Variants in ANKS6 observed in about 807,000 individuals in gnomAD.
The protein encoded by ANKS6 is ankyrin repeat and sterile alpha motif domain containing 6.
Under a neutral mutation model 77.9 loss-of-function variants are expected in ANKS6, and 47 were observed. That is an observed-to-expected ratio of 0.60 (90% CI 0.48 to 0.77). ANKS6 has a LOEUF of 0.77. ANKS6 is among the 30% of genes least tolerant of loss of function. ANKS6 has a pLI of 0.00. For synonymous variants in ANKS6, 488 were observed against 501.7 expected (o/e 0.97, Z 0.37); for missense variants, 1,150 against 1,159.1 (o/e 0.99, Z 0.11).
intron 7 of ANKS6, 134 bp downstream of exon 7, chr9:98,778,092 C>G (rs1168581678): frequency 1.9e-6 from 2 of 1,069,642 alleles, no homozygotes; most frequent in Admixed American, 2.7e-5. Flanking sequence ...TTCCACCAGA[C>G]CAGCCTCTAT....
chr9:98,768,339 G>C, intron 10 of ANKS6, 89 bp from the exon 11 acceptor site: 1 of 1,501,052 alleles, frequency 6.7e-7, no homozygotes, highest in Non-Finnish European at 9.1e-7. Flanking sequence ...TGATTGGGTT[G>C]GAGCCAGTCT....
chr9:98,773,003 CAAGTT>C (rs1360370172), intron 9 of ANKS6, among the ~76,000 whole-genome samples: 1 of 152,206 alleles, frequency 6.6e-6, no homozygotes, highest in Non-Finnish European at 1.5e-5. Flanking sequence ...TGAAGCAAGT[CAAGTT>C]GATGTTCTGT....
At chr9:98,773,058 A>G (rs1267070520) in intron 9 of ANKS6, among the ~76,000 whole-genome samples, 1 of 152,252 alleles carries the variant, frequency 6.6e-6, no homozygotes, top group Admixed American at 6.5e-5. Context: ...CAGCCATAGA[A>G]GAAGTCTCAG....
chr9:98,773,950 G>A lies in ANKS6; in HGVS notation c.1748C>T (p.Ala583Val), dbSNP rs1329402025. Residue 583 changes from alanine to valine, a missense_variant, in exon 9 of 15, where the codon GCA (alanine) becomes GTA (valine). Transcript: ENST00000353234. Reference sequence around the variant, plus strand: ...GGGCAGCGCAGTCTTCATGGGGTCTGCCTTCCCGTTGTGACGCGTCCGGGA... The same window carrying A: ...GGGCAGCGCAGTCTTCATGGGGTCTACCTTCCCGTTGTGACGCGTCCGGGA... ...DRSRTRHNGK[A>V]DPMKTALPQR... 1.2e-6 allele frequency: 2 copies of A among 1,602,446 alleles called. No homozygotes were observed. The highest frequency in any genetic ancestry group is 8.5e-7 in the Non-Finnish European group (1 of 1,176,632).
intron 10 of ANKS6, among the ~76,000 whole-genome samples, chr9:98,770,249 A>G (rs1833545970): frequency 1.3e-5 from 2 of 152,152 alleles, no homozygotes; most frequent in South Asian, 4.2e-4. Flanking sequence ...TGTGCCTTTC[A>G]GCTTCTGCAT....
chr9:98,747,075 AG>A (rs1268895831), intron 13 of ANKS6, among the ~76,000 whole-genome samples: 1 of 152,170 alleles, frequency 6.6e-6, no homozygotes, highest in East Asian at 1.9e-4. Flanking sequence ...CATAAATTAC[AG>A]GGTGGATGCG....
Position 98,796,209 on chromosome 9 carries a change from G to C in ANKS6, c.283C>G (p.Arg95Gly). 3 of 1,413,860 alleles carry C rather than the reference G, an allele frequency of 2.1e-6. No individual in the cohort carries two copies. The highest frequency in any genetic ancestry group is 2.8e-6 in the Non-Finnish European group (3 of 1,082,948). The allele number at this position is 1,413,860 out of a possible 1,614,324, so 87.6% of individuals were successfully genotyped here. A position where few individuals can be genotyped will look rare whatever the true frequency, so the allele number is the denominator to read the frequency against. ...GAGGCACCGCGGCGCAGCAGGAAGC[G>C]CACCAGCGGTTCGTGGCCCCCGGCC... ...AAAGGHEPLV[R>G]FLLRRGASVN... The change falls in exon 1 of 15, where the codon CGC becomes GGC. Residue 95 changes from arginine to glycine, a missense_variant. Arg to Gly is a moderately radical substitution (Grantham distance 125). Transcript: ENST00000353234.
chr9:98,783,756 C>A, intron 4 of ANKS6, 197 bp downstream of exon 4: 1 of 434,076 alleles, frequency 2.3e-6, no homozygotes, highest in Non-Finnish European at 3.8e-6. Context: ...GATGGGGGAA[C>A]AGGAAATCTG....
chr9:98,790,070 C>A (rs777673823), intron 2 of ANKS6, 34 bp downstream of exon 2: 2 of 1,524,516 alleles, frequency 1.3e-6, no homozygotes. Flanking sequence ...AATTTGGGGT[C>A]CTCTGTGAAG....
chr9:98,750,425 G>A (rs757601020), intron 13 of ANKS6, among the ~76,000 whole-genome samples: 5 of 152,172 alleles, frequency 3.3e-5, no homozygotes, highest in Non-Finnish European at 5.9e-5. Flanking sequence ...ATTAGTCGAT[G>A]GACATTTGGG....
Position 98,796,534 on chromosome 9 carries a change from C to G in ANKS6, c.-43G>C. 1 of 974,360 alleles carries G rather than the reference C, an allele frequency of 1.0e-6. No homozygotes were observed. The allele number at this position is 974,360 out of a possible 1,614,324, so 60.4% of individuals were successfully genotyped here. A position where few individuals can be genotyped will look rare whatever the true frequency, so the allele number is the denominator to read the frequency against. Reference sequence around the variant, plus strand: ...GCCCGCTCCCGTCCGCCCCGCCGGCCGCGTCGGCTCCGCCCCCGGATACCG... The same window carrying G: ...GCCCGCTCCCGTCCGCCCCGCCGGCGGCGTCGGCTCCGCCCCCGGATACCG... On this transcript the variant is annotated 5_prime_UTR_variant, in exon 1 of 15. Coordinates refer to ENST00000353234, the MANE Select transcript of ANKS6 (RefSeq NM_173551.5).
At chr9:98,766,081 T>A (rs1050725800) in intron 11 of ANKS6, among the ~76,000 whole-genome samples, 3 of 152,086 alleles carry the variant, frequency 2.0e-5, no homozygotes, top group African/African-American at 7.2e-5. Flanking sequence ...TATGCTGGGG[T>A]GGAGCCCAGA....
chr9:98,747,362 A>C (rs1832194934), intron 13 of ANKS6, among the ~76,000 whole-genome samples: 1 of 147,846 alleles, frequency 6.8e-6, no homozygotes, highest in Non-Finnish European at 1.5e-5. Flanking sequence ...CTCTGTTAAC[A>C]GTCATTTTAC....
Position 98,752,552 on chromosome 9 carries a change from T to C in ANKS6, c.2327-1456A>G, listed in dbSNP as rs1320135426. On this transcript the variant is annotated intron_variant, in intron 12 of 14. Coordinates refer to ENST00000353234, the MANE Select transcript of ANKS6 (RefSeq NM_173551.5). ...GCTCAGTGTGGCTGGGAGGATAGGATGAGGAGGATGAAAGCTAATACACAG... is the reference window on the plus strand; with the variant it reads ...GCTCAGTGTGGCTGGGAGGATAGGACGAGGAGGATGAAAGCTAATACACAG... Among the ~76,000 whole-genome samples the C allele has an allele frequency of 2.0e-5, 3 of 152,040 alleles. No individual in the cohort carries two copies. The East Asian group carries it at 5.8e-4, about 29-fold the overall frequency.
chr9:98,795,345 GTCAC>G (rs1588428618), intron 1 of ANKS6, among the ~76,000 whole-genome samples: 1 of 152,048 alleles, frequency 6.6e-6, no homozygotes, highest in Non-Finnish European at 1.5e-5. Flanking sequence ...CTCTCATCCT[GTCAC>G]TCATTCTGCC....
intron 12 of ANKS6, among the ~76,000 whole-genome samples, chr9:98,752,838 G>A (rs574672394): frequency 6.6e-6 from 1 of 152,182 alleles, no homozygotes; most frequent in African/African-American, 2.4e-5. Context: ...AACAACAGGG[G>A]GATGTGGGGA....
rs776208967 is a variant in ANKS6, at chr9:98,790,221, C to T, written c.745G>A (p.Ala249Thr). ...AGCACGCTGAGGTGGTCAGGGTTGGCGCCCTTCTCCACCAGCTGCTGGGCC... is the reference window on the plus strand; with the variant it reads ...AGCACGCTGAGGTGGTCAGGGTTGGTGCCCTTCTCCACCAGCTGCTGGGCC... The part of the protein sequence containing the change: ...GVAQQLVEKG[A>T]NPDHLSVLEK... The change falls in exon 2 of 15, where the codon GCC (alanine) becomes ACC (threonine). Residue 249 changes from alanine (A) to threonine (T), a missense_variant. Coordinates refer to ENST00000353234, the MANE Select transcript of ANKS6 (RefSeq NM_173551.5). 1.2e-5 allele frequency: 19 copies of T among 1,607,390 alleles called. No homozygotes were observed. Among genetic ancestry groups the T allele is most frequent in the Middle Eastern group, 1.6e-4 (1 of 6,072 alleles).
At chr9:98,777,313 AAGAC>A (rs749247709) in intron 8 of ANKS6, 88 bp downstream of exon 8, 53 of 1,405,510 alleles carry the variant, frequency 3.8e-5, no homozygotes, top group African/African-American at 5.7e-5. Flanking sequence ...GACCACTACA[AAGAC>A]AGACAAACAC....
intron 11 of ANKS6, among the ~76,000 whole-genome samples, chr9:98,758,802 A>T (rs1278036877): frequency 6.6e-6 from 1 of 152,254 alleles, no homozygotes; most frequent in Non-Finnish European, 1.5e-5. Context: ...TGTTAAGTGT[A>T]CATGTACACA....
Sources: gnomAD v4.1 joint callset for allele counts (sites outside exome capture counted in the v4.1 genomes callset) on GRCh38, gnomAD v4.1.1 for gene constraint, MANE v1.5 for transcripts, NCBI Gene and HGNC (gene_info 2026-07-23, HGNC 2026-07-21) for gene names.